NAPRT: variants seen among roughly 807,000 people sequenced by gnomAD.
NAPRT encodes nicotinate phosphoribosyltransferase.
Under a neutral mutation model 60.7 loss-of-function variants are expected in NAPRT, and 66 were observed. That is an observed-to-expected ratio of 1.09 (90% CI 0.89 to 1.33). NAPRT has a LOEUF of 1.33. Ranked by LOEUF, NAPRT falls within the 40% of genes most tolerant of loss-of-function variation. NAPRT has a pLI of 0.00. For missense variants in NAPRT, 818 were observed against 731.5 expected (o/e 1.12, Z -1.36); for synonymous variants, 405 against 335.7 (o/e 1.21, Z -2.26).
chr8:143,578,218 C>T lies in NAPRT; in HGVS notation c.101G>A (p.Arg34Gln), dbSNP rs1824660230. 1 of 1,503,790 alleles carries T rather than the reference C, an allele frequency of 6.6e-7. No homozygotes were observed. The allele number at this position is 1,503,790 out of a possible 1,614,324, so 93.2% of individuals were successfully genotyped here. The change falls in exon 1 of 13, where the codon CGG (arginine) becomes CAG (glutamine). Residue 34 changes from arginine (R) to glutamine (Q), a missense_variant. By Grantham distance (43) the Arg-to-Gln change is conservative (BLOSUM62 1). Transcript: ENST00000449291. The stretch of plus-strand genomic sequence containing the variant: ...CTCGAACTCGGCGGCGTCCCGCGCC[C>T]GGCCCGCGCGCCAATAGCCCAACGC... ...TMALGYWRAG[R>Q]ARDAAEFELF...
rs1484472875 is a variant in NAPRT, at chr8:143,574,848, T to C, written c.1607A>G (p.Gln536Arg). 4 of 1,550,660 alleles carry C rather than the reference T, an allele frequency of 2.6e-6. No homozygotes were observed. The South Asian group carries it at 3.6e-5, about 14-fold the overall frequency. ...QALVNSLCAG[Q>R]SP ...GCCCCGCTCCGAGTCTCAGGGGGACTGCCCCGCACACAGACTGTTCACCAG... is the reference window on the plus strand; with the variant it reads ...GCCCCGCTCCGAGTCTCAGGGGGACCGCCCCGCACACAGACTGTTCACCAG... Residue 536 changes from glutamine (Q) to arginine (R), a missense_variant, in exon 13 of 13, where the codon CAG becomes CGG. Physicochemically the swap from Gln to Arg is conservative, Grantham distance 43 (BLOSUM62 1). Coordinates refer to ENST00000449291, the MANE Select transcript of NAPRT (RefSeq NM_145201.6).
chr8:143,576,314 T>A lies in NAPRT; in HGVS notation c.1022+118A>T, dbSNP rs1257194408. ...TAGGGAGCCCCACCACTTACTTCCCTGCCACGGCCTGCAGTATCACCGCTG... is the reference window on the plus strand; with the variant it reads ...TAGGGAGCCCCACCACTTACTTCCCAGCCACGGCCTGCAGTATCACCGCTG... On this transcript the variant is annotated intron_variant, in intron 7 of 12. Transcript: ENST00000449291. 4 of 1,444,552 alleles carry A rather than the reference T, an allele frequency of 2.8e-6. No homozygotes were observed. The East Asian group carries it at 9.3e-5, about 34-fold the overall frequency. The allele number at this position is 1,444,552 out of a possible 1,614,324, so 89.5% of individuals were successfully genotyped here. A position where few individuals can be genotyped will look rare whatever the true frequency, so the allele number is the denominator to read the frequency against.
intron 3 of NAPRT, 89 bp from the exon 4 acceptor site, chr8:143,577,488 C>G (rs1824559739): frequency 6.7e-7 from 1 of 1,482,252 alleles, no homozygotes; most frequent in South Asian, 1.3e-5. Flanking sequence ...AACTTCCAAC[C>G]TGGGAGCTCC....
intron 5 of NAPRT, 29 bp from the exon 6 acceptor site, chr8:143,576,871 G>A (rs769624562): frequency 8.3e-6 from 13 of 1,574,322 alleles, no homozygotes; most frequent in Non-Finnish European, 1.1e-5. Context: ...GAAGAATGGG[G>A]GCCAGGAATG....
intron 7 of NAPRT, 40 bp from the exon 8 acceptor site, chr8:143,576,202 G>C (rs1333906147): frequency 6.5e-7 from 1 of 1,528,608 alleles, no homozygotes; most frequent in African/African-American, 1.4e-5. Flanking sequence ...CCACCCCTCG[G>C]GTCTTCCTGA....
At position 143,578,196 on chromosome 8, in the gene NAPRT, G is replaced by C; in HGVS notation, c.123C>G (p.Phe41Leu). The C allele has an allele frequency of 3.3e-6, 5 of 1,510,506 alleles. No homozygotes were observed. The highest frequency in any genetic ancestry group is 4.4e-6 in the Non-Finnish European group (5 of 1,134,262). 93.6% of individuals were successfully genotyped at this position (1,510,506 alleles called of 1,614,324 possible). The change falls in exon 1 of 13, where the codon TTC (phenylalanine) becomes TTG (leucine). Residue 41 changes from phenylalanine to leucine, a missense_variant. Physicochemically the swap from Phe to Leu is conservative, Grantham distance 22 (BLOSUM62 0). Transcript: ENST00000449291. ...RAGRARDAAE[F>L]ELFFRRCPFG... ...ACGGGCAGCGGCGGAAGAAGAGCTCGAACTCGGCGGCGTCCCGCGCCCGGC... is the reference window on the plus strand; with the variant it reads ...ACGGGCAGCGGCGGAAGAAGAGCTCCAACTCGGCGGCGTCCCGCGCCCGGC...
chr8:143,575,435 G>A lies in NAPRT; in HGVS notation c.1279C>T (p.Leu427=). 2 of 1,591,572 alleles carry A rather than the reference G, an allele frequency of 1.3e-6. No homozygotes were observed. The highest frequency in any genetic ancestry group is 2.2e-5 in the South Asian group (2 of 90,636). The change falls in exon 10 of 13, where the codon CTG becomes TTG. Residue 427 remains leucine (L), a synonymous_variant. Transcript: ENST00000449291. ...GGGAGGGCCTCACCGTCAGAGCCCA[G>A]GAGCCGGAAAGCAGCCTTGCTCCCA... ...LPGSKAAFRL[L]GSDGSPLMDM...
Position 143,577,109 on chromosome 8 carries a change from G to A in NAPRT, c.637C>T (p.His213Tyr). 1.2e-5 allele frequency: 20 copies of A among 1,612,998 alleles called. No homozygotes were observed. Among genetic ancestry groups the A allele is most frequent in the Non-Finnish European group, 1.6e-5 (19 of 1,179,924 alleles). The change falls in exon 5 of 13, where the codon CAC becomes TAC. Residue 213 changes from histidine (H) to tyrosine (Y), a missense_variant. By Grantham distance (83) the His-to-Tyr change is moderately conservative. Coordinates refer to ENST00000449291, the MANE Select transcript of NAPRT (RefSeq NM_145201.6). ...CCTGAAAAGGAAGTGACGAAGGAGT[G>A]GGCCAGGGTCCCGGCCACCGGCACA... Reference protein sequence around the residue: ...RGVPVAGTLAHSFVTSFSGSE... With the variant: ...RGVPVAGTLAYSFVTSFSGSE...
At chr8:143,574,665 A>G, downstream of NAPRT, 1 of 768,330 alleles carries the variant, frequency 1.3e-6, no homozygotes, top group Non-Finnish European at 2.2e-6. Flanking sequence ...CTGTGCTTTC[A>G]CTGGGATGCA....
chr8:143,577,465 A>G, intron 3 of NAPRT, 66 bp from the exon 4 acceptor site: 1 of 1,534,198 alleles, frequency 6.5e-7, no homozygotes, highest in Non-Finnish European at 8.8e-7. Flanking sequence ...GACGGCGGTT[A>G]CCTGGGGCCT....
chr8:143,577,746 GGA>G lies in NAPRT; in HGVS notation c.355-9_355-8del. ...ACACCTGCAGGAGCGGCACCTGCGG[GGA>G]GAGAAGTCAGCTCCGCGCTCGGCCC... On this transcript the variant is annotated splice_polypyrimidine_tract_variant and splice_region_variant and intron_variant, in intron 2 of 12. Transcript: ENST00000449291. 1 of 1,554,258 alleles carries G rather than the reference GGA, an allele frequency of 6.4e-7. No homozygotes were observed. Among genetic ancestry groups the G allele is most frequent in the Non-Finnish European group, 8.7e-7 (1 of 1,152,058 alleles).
chr8:143,577,063 G>A lies in NAPRT; in HGVS notation c.683C>T (p.Pro228Leu), dbSNP rs1352396176. ...GCAGGGTTTAGAGGAGGGACTGACC[G>A]GGTCAGGGGGCACCTCGCTGCCTGA... ...SFSGSEVPPD[P>L]MLAPAAGEGP... Residue 228 changes from proline (P) to leucine (L), a missense_variant and splice_region_variant, in exon 5 of 13, where the codon CCG becomes CTG. Pro to Leu is a moderately conservative substitution (Grantham distance 98). Transcript: ENST00000449291. 25 of 1,612,310 alleles carry A rather than the reference G, an allele frequency of 1.6e-5. No individual in the cohort carries two copies. Among genetic ancestry groups the A allele is most frequent in the South Asian group, 4.4e-5 (4 of 91,058 alleles).
chr8:143,573,841 T>G (rs913061857), downstream of NAPRT: 1 of 152,312 alleles, frequency 6.6e-6, no homozygotes, highest in Non-Finnish European at 1.5e-5. Context: ...CTGCTCCAAG[T>G]CCCCACCCTC....
downstream of NAPRT, chr8:143,572,939 T>C (rs1824154861): frequency 1.9e-6 from 1 of 523,102 alleles, no homozygotes; most frequent in Non-Finnish European, 3.3e-6. Context: ...TGAGTGCCTG[T>C]GGTGTGGCTC....
intron 1 of NAPRT, 30 bp from the exon 2 acceptor site, chr8:143,577,973 G>A (rs1055616756): frequency 6.3e-7 from 1 of 1,595,622 alleles, no homozygotes; most frequent in African/African-American, 1.3e-5. Context: ...GCTGAGACCA[G>A]CGCGGGGACA....
Position 143,577,339 on chromosome 8 carries a change from T to C in NAPRT, c.498A>G (p.Leu166=), listed in dbSNP as rs1824545061. 1.9e-6 allele frequency: 3 copies of C among 1,605,756 alleles called. No homozygotes were observed. The highest frequency in any genetic ancestry group is 1.7e-6 in the Non-Finnish European group (2 of 1,177,310). ...CCTGAGCCCGCCTCAGGCCCATCTC[T>C]AGCAGCCGCTTCTCTGGCCCTGCGA... is the stretch of plus-strand genomic sequence containing the variant. ...RLIAGPEKRL[L]EMGLRRAQGP... is the part of the protein sequence containing the mutation. Residue 166 remains leucine, a synonymous_variant, in exon 4 of 13, where the codon CTA becomes CTG. Transcript: ENST00000449291.
At chr8:143,574,112 G>A (rs751542711), downstream of NAPRT, among the ~76,000 whole-genome samples, 3 of 152,264 alleles carry the variant, frequency 2.0e-5, no homozygotes, top group Non-Finnish European at 4.4e-5. Flanking sequence ...GGAACCCTGA[G>A]ATCAGGAACT....
Position 143,577,703 on chromosome 8 carries a change from C to T in NAPRT, c.391G>A (p.Val131Met), listed in dbSNP as rs1479763615. The T allele has an allele frequency of 3.2e-6, 5 of 1,544,334 alleles. No homozygotes were observed. In the Admixed American group the frequency reaches 9.7e-5, roughly 30 times the overall value. ...AGCAGCGGTGTCTCCAGCAGCTGCA[C>T]CACCAGGAGCGGCCCGGACACCTGC... ...LLQVSGPLLV[V>M]QLLETPLLCL... The change falls in exon 3 of 13, where the codon GTG (valine) becomes ATG (methionine). Residue 131 changes from valine to methionine, a missense_variant. Transcript: ENST00000449291.
In NAPRT at chr8:143,576,832, G is replaced by A. The variant is rs368314681; in HGVS notation, c.695C>T (p.Pro232Leu). 9.2e-5 allele frequency: 147 copies of A among 1,598,406 alleles called. No homozygotes were observed. Among genetic ancestry groups the A allele is most frequent in the Admixed American group, 3.1e-4 (18 of 58,996 alleles). ...CACCCCAGGGCCCTCACCAGCTGCT[G>A]GCGCCAACATCTGTGGAACAGAGTC... ...SEVPPDPMLA[P>L]AAGEGPGVDL... The change falls in exon 6 of 13, where the codon CCA (proline) becomes CTA (leucine). Residue 232 changes from proline (P) to leucine (L), a missense_variant. Coordinates refer to ENST00000449291, the MANE Select transcript of NAPRT (RefSeq NM_145201.6).
Sources: allele counts gnomAD v4.1 joint callset (sites outside exome capture counted in the v4.1 genomes callset), GRCh38; gene constraint gnomAD v4.1.1; transcripts MANE v1.5; gene names NCBI Gene and HGNC (gene_info 2026-07-23, HGNC 2026-07-21).